Variants in FBXL7 observed in about 807,000 individuals in gnomAD.
The protein encoded by FBXL7 is F-box and leucine rich repeat protein 7, also known as F-box/LRR-repeat protein 7.
A neutral mutation model predicts 38.3 loss-of-function variants in FBXL7; 12 were observed. That is an observed-to-expected ratio of 0.31 (90% CI 0.20 to 0.51). FBXL7 has a LOEUF of 0.51. Among genes scored for constraint, FBXL7 ranks in the 20% least tolerant of loss-of-function variants. The pLI is 0.98. For missense variants in FBXL7, 567 were observed against 676.4 expected, an observed-to-expected ratio of 0.84 and a Z score of 1.79; for synonymous variants, 297 against 300.9, an observed-to-expected ratio of 0.99 and a Z score of 0.13.
chr5:15,756,515 A>ATG lies in FBXL7; in HGVS notation c.127+140444_127+140445dup, dbSNP rs1736300505. On this transcript the variant is annotated intron_variant, in intron 2 of 3. Coordinates refer to ENST00000504595, the MANE Select transcript of FBXL7 (RefSeq NM_012304.5). ...GAAATATCTGTTCTCATTAGTAACT[A>ATG]TGGCACTTGCAGCCTAAATGGTCAT... Among the ~76,000 whole-genome samples the ATG allele has an allele frequency of 2.6e-5, 4 of 152,186 alleles. No homozygotes were observed. In the South Asian group the frequency reaches 8.3e-4, roughly 32 times the overall value.
intron 2 of FBXL7, among the ~76,000 whole-genome samples, chr5:15,810,097 C>A (rs1737818955): frequency 6.6e-6 from 1 of 152,066 alleles, no homozygotes; most frequent in Admixed American, 6.5e-5. Flanking sequence ...AATCAGACAA[C>A]AATGATCCTT....
chr5:15,809,918 T>C (rs1006814195), intron 2 of FBXL7, among the ~76,000 whole-genome samples: 63 of 152,334 alleles, frequency 4.1e-4, no homozygotes, highest in African/African-American at 1.4e-3. Context: ...TTCCCTAATG[T>C]GTAAATGGCA....
intron 2 of FBXL7, among the ~76,000 whole-genome samples, chr5:15,719,272 C>G (rs148475244): frequency 6.6e-6 from 1 of 152,196 alleles, no homozygotes; most frequent in Admixed American, 6.5e-5. Context: ...AGTAATTATT[C>G]TCTTGTCGTT....
intron 2 of FBXL7, among the ~76,000 whole-genome samples, chr5:15,722,920 T>TCAAAAAATA (rs1744239838): frequency 5.5e-5 from 2 of 36,266 alleles, no homozygotes; most frequent in Admixed American, 5.7e-4. Flanking sequence ...AGACTCCGTC[T>TCAAAAAATA]CAAAAAAAAC....
intron 1 of FBXL7, among the ~76,000 whole-genome samples, chr5:15,595,131 A>G (rs1211759924): frequency 6.6e-6 from 1 of 152,222 alleles, no homozygotes; most frequent in African/African-American, 2.4e-5. Flanking sequence ...GAAGATAGGA[A>G]TGCAGTGCAG....
intron 2 of FBXL7, among the ~76,000 whole-genome samples, chr5:15,804,443 T>C (rs1737652644): frequency 6.6e-6 from 1 of 152,158 alleles, no homozygotes; most frequent in Non-Finnish European, 1.5e-5. Flanking sequence ...CAGTACAGTC[T>C]GGACAACAAA....
rs563180103 is a variant in FBXL7, at chr5:15,505,982, G to A, written c.37+5269G>A. Among the ~76,000 whole-genome samples the A allele has an allele frequency of 3.3e-5, 5 of 152,250 alleles. No homozygotes were observed. The East Asian group carries it at 9.6e-4, about 29-fold the overall frequency. On this transcript the variant is annotated intron_variant, in intron 1 of 3. Coordinates refer to ENST00000504595, the MANE Select transcript of FBXL7 (RefSeq NM_012304.5). ...TCCATCTTAATTAAGCACTTATCAT[G>A]CATGGTGGCTCTAACTTTTACAGTT... is the stretch of plus-strand genomic sequence containing the variant.
chr5:15,588,362 AC>A (rs1400860148), intron 1 of FBXL7, among the ~76,000 whole-genome samples: 1 of 152,056 alleles, frequency 6.6e-6, no homozygotes, highest in Non-Finnish European at 1.5e-5. Flanking sequence ...AAACTGTGGC[AC>A]ATGGCAAAAG....
chr5:15,735,772 A>T (rs1735733668), intron 2 of FBXL7, among the ~76,000 whole-genome samples: 1 of 152,212 alleles, frequency 6.6e-6, no homozygotes, highest in South Asian at 2.1e-4. Flanking sequence ...GTGAATGATG[A>T]TCCAGAGAAA....
chr5:15,799,243 A>G (rs1737494703), intron 2 of FBXL7, among the ~76,000 whole-genome samples: 1 of 152,170 alleles, frequency 6.6e-6, no homozygotes. Flanking sequence ...GTGGATAGAC[A>G]GAAGGAGCGA....
At chr5:15,842,880 C>G (rs1437366651) in intron 2 of FBXL7, among the ~76,000 whole-genome samples, 1 of 152,124 alleles carries the variant, frequency 6.6e-6, no homozygotes, top group Non-Finnish European at 1.5e-5. Flanking sequence ...ATTTAAATTA[C>G]CCAGTCTTGA....
At chr5:15,622,650 C>T (rs1740693133) in intron 2 of FBXL7, among the ~76,000 whole-genome samples, 2 of 152,072 alleles carry the variant, frequency 1.3e-5, no homozygotes, top group South Asian at 4.1e-4. Context: ...CTTCCATGGC[C>T]AATACACTTA....
intron 2 of FBXL7, among the ~76,000 whole-genome samples, chr5:15,827,319 G>A (rs1738343247): frequency 1.3e-5 from 2 of 151,990 alleles, no homozygotes; most frequent in Non-Finnish European, 2.9e-5. Context: ...CATGGGAAGT[G>A]CATAATAAAT....
At chr5:15,738,557 A>C (rs1029785775) in intron 2 of FBXL7, among the ~76,000 whole-genome samples, 2 of 152,106 alleles carry the variant, frequency 1.3e-5, no homozygotes, top group African/African-American at 4.8e-5. Context: ...AAAGGAAAAC[A>C]GCTCTCTTGG....
intron 2 of FBXL7, among the ~76,000 whole-genome samples, chr5:15,867,556 G>T (rs1241094760): frequency 6.6e-6 from 1 of 152,128 alleles, no homozygotes; most frequent in Admixed American, 6.5e-5. Context: ...TACAATAATG[G>T]CCCCCAAAGT....
chr5:15,732,036 C>A (rs1256592795), intron 2 of FBXL7, among the ~76,000 whole-genome samples: 3 of 152,142 alleles, frequency 2.0e-5, no homozygotes, highest in Admixed American at 6.5e-5. Flanking sequence ...GTTCCATTTT[C>A]CTTTGGTGAA....
intron 2 of FBXL7, among the ~76,000 whole-genome samples, chr5:15,802,120 C>T (rs1179869682): frequency 6.6e-6 from 1 of 152,136 alleles, no homozygotes; most frequent in Non-Finnish European, 1.5e-5. Context: ...TTGGCTCTAC[C>T]TCCAAAATCT....
At chr5:15,558,925 C>A (rs1738328887) in intron 1 of FBXL7, among the ~76,000 whole-genome samples, 1 of 152,018 alleles carries the variant, frequency 6.6e-6, no homozygotes, top group Non-Finnish European at 1.5e-5. Flanking sequence ...TCTGTGGGAG[C>A]CATGTGATCT....
At chr5:15,645,173 A>G (rs1395251076) in intron 2 of FBXL7, among the ~76,000 whole-genome samples, 1 of 152,072 alleles carries the variant, frequency 6.6e-6, no homozygotes, top group East Asian at 1.9e-4. Context: ...TACACCCTTT[A>G]TGTCAATTGA....
Sources: gnomAD v4.1 joint callset for allele counts (sites outside exome capture counted in the v4.1 genomes callset) on GRCh38, gnomAD v4.1.1 for gene constraint, MANE v1.5 for transcripts, NCBI Gene and HGNC (gene_info 2026-07-23, HGNC 2026-07-21) for gene names.